CTNNA3: variants seen among roughly 807,000 people sequenced by gnomAD.
The protein encoded by CTNNA3 is catenin alpha-3.
CTNNA3 carries 76 observed loss-of-function variants against 95.7 expected under a neutral mutation model. The ratio of observed to expected loss-of-function variants is 0.79; its 90% CI spans 0.66 to 0.96. The LOEUF is 0.96. CTNNA3 is among the 40% of genes least tolerant of loss of function. CTNNA3 has a pLI of 0.00. For synonymous variants in CTNNA3, 431 were observed against 374.4 expected (o/e 1.15, Z -1.74); for missense variants, 1,191 against 1,089.8 (o/e 1.09, Z -1.31).
intron 11 of CTNNA3, among the ~76,000 whole-genome samples, chr10:66,396,758 T>C (rs1265874233): frequency 2.0e-5 from 3 of 151,922 alleles, no homozygotes; most frequent in African/African-American, 7.2e-5. Flanking sequence ...AGAAATTCCA[T>C]TTCTAATAAA....
intron 7 of CTNNA3, among the ~76,000 whole-genome samples, chr10:66,990,849 A>T (rs1851001316): frequency 1.3e-5 from 2 of 152,202 alleles, no homozygotes; most frequent in Non-Finnish European, 1.5e-5. Context: ...TTTCACTAGT[A>T]TCATGGGCAT....
At position 66,651,079 on chromosome 10, in the gene CTNNA3, T is replaced by C. The variant is rs762838121; in HGVS notation, c.1282-29295A>G. Among the ~76,000 whole-genome samples, 5 of 152,202 alleles carry C rather than the reference T, an allele frequency of 3.3e-5. No homozygotes were observed. In the Middle Eastern group the frequency reaches 0.01, roughly 311 times the overall value. ...ACAATCCTTTAGCTAGACACAAAAG[T>C]TCTGGAAGTCCCCACTAGATTAGCT... On this transcript the variant is annotated intron_variant, in intron 9 of 17. Transcript: ENST00000433211.
chr10:66,112,782 G>A (rs772411776), intron 13 of CTNNA3, among the ~76,000 whole-genome samples: 1 of 151,394 alleles, frequency 6.6e-6, no homozygotes, highest in Non-Finnish European at 1.5e-5. Flanking sequence ...GTTCACACTT[G>A]TCGTTGCATA....
chr10:67,337,368 A>T (rs1842031674), intron 5 of CTNNA3, among the ~76,000 whole-genome samples: 1 of 152,186 alleles, frequency 6.6e-6, no homozygotes, highest in African/African-American at 2.4e-5. Context: ...AATTGCTGCA[A>T]TCTCATGATA....
At chr10:67,689,580 G>A (rs1349310634) in intron 1 of CTNNA3, among the ~76,000 whole-genome samples, 2 of 152,092 alleles carry the variant, frequency 1.3e-5, no homozygotes, top group Non-Finnish European at 2.9e-5. Context: ...AGGATAGATG[G>A]GCAAGTCTCG....
chr10:66,920,447 A>T (rs1846731305), intron 7 of CTNNA3, among the ~76,000 whole-genome samples: 1 of 152,196 alleles, frequency 6.6e-6, no homozygotes, highest in Admixed American at 6.5e-5. Flanking sequence ...TTAGATTTTC[A>T]TCAAATCTTT....
At chr10:67,684,988 G>A (rs7091804) in intron 1 of CTNNA3, among the ~76,000 whole-genome samples, 35,933 of 152,060 alleles carry the variant, frequency 0.24, 5,106 homozygotes, top group East Asian at 0.52. Flanking sequence ...ACACTCTTCC[G>A]CTAAGAAGGT....
chr10:66,595,627 G>A (rs988845361), intron 10 of CTNNA3, among the ~76,000 whole-genome samples: 14 of 152,014 alleles, frequency 9.2e-5, no homozygotes, highest in East Asian at 3.9e-4. Flanking sequence ...GTCAGCCACC[G>A]CACCCAGCCT....
intron 1 of CTNNA3, among the ~76,000 whole-genome samples, chr10:67,660,966 C>T (rs1477934597): frequency 1.3e-5 from 2 of 150,656 alleles, no homozygotes; most frequent in African/African-American, 4.9e-5. Flanking sequence ...AATTAAAATA[C>T]ATTGAGATAT....
intron 10 of CTNNA3, among the ~76,000 whole-genome samples, chr10:66,603,520 G>A (rs923022107): frequency 6.6e-6 from 1 of 152,036 alleles, no homozygotes; most frequent in African/African-American, 2.4e-5. Context: ...TACCTAAAGT[G>A]ATCTACAGAT....
At chr10:67,141,663 A>G (rs1860573906) in intron 7 of CTNNA3, among the ~76,000 whole-genome samples, 1 of 152,190 alleles carries the variant, frequency 6.6e-6, no homozygotes, top group East Asian at 1.9e-4. Context: ...TCTAAGACTC[A>G]GGGCAAAAGC....
At chr10:67,386,191 T>C (rs905489382) in intron 5 of CTNNA3, among the ~76,000 whole-genome samples, 1 of 152,192 alleles carries the variant, frequency 6.6e-6, no homozygotes, top group Non-Finnish European at 1.5e-5. Context: ...CCATGCACCA[T>C]AGGGAATGTG....
intron 16 of CTNNA3, among the ~76,000 whole-genome samples, chr10:65,983,880 G>T (rs1250527625): frequency 6.6e-6 from 1 of 151,136 alleles, no homozygotes; most frequent in East Asian, 1.9e-4. Context: ...GGAAGGAAAA[G>T]TGAAAAATAA....
intron 7 of CTNNA3, among the ~76,000 whole-genome samples, chr10:67,125,979 G>A (rs905807621): frequency 2.0e-5 from 3 of 152,192 alleles, no homozygotes; most frequent in Non-Finnish European, 2.9e-5. Flanking sequence ...GGTTTTTCAC[G>A]TTCTGTTAAT....
chr10:66,533,936 G>A (rs2659995), intron 10 of CTNNA3, among the ~76,000 whole-genome samples: 91,289 of 151,928 alleles, frequency 0.6, 30,479 homozygotes, highest in Non-Finnish European at 0.75. Context: ...TTTAATGTAC[G>A]TATCATTTTA....
intron 9 of CTNNA3, among the ~76,000 whole-genome samples, chr10:66,635,253 C>T (rs1343253338): frequency 6.6e-6 from 1 of 152,006 alleles, no homozygotes; most frequent in Non-Finnish European, 1.5e-5. Flanking sequence ...TGAAACAAAT[C>T]TAAACTATAA....
At chr10:66,367,884 ATTATTATTATTATTATTATT>A (rs2092724429) in intron 12 of CTNNA3, among the ~76,000 whole-genome samples, 58 of 20,638 alleles carry the variant, frequency 2.8e-3, no homozygotes, top group South Asian at 4.5e-3. Context: ...AATAATAATT[ATTATTATTATTATTATTATT>A]ATTATTATTA....
intron 7 of CTNNA3, among the ~76,000 whole-genome samples, chr10:66,999,178 C>G (rs1851538766): frequency 6.6e-6 from 1 of 152,042 alleles, no homozygotes; most frequent in Admixed American, 6.6e-5. Context: ...GGTTTGCACT[C>G]AAATATTTCA....
intron 1 of CTNNA3, among the ~76,000 whole-genome samples, chr10:67,715,228 A>G (rs1423355479): frequency 1.3e-5 from 2 of 152,246 alleles, no homozygotes; most frequent in South Asian, 2.1e-4. Context: ...TGAGTCACAC[A>G]TAGTTTTCAA....
Sources: allele counts gnomAD v4.1 joint callset (sites outside exome capture counted in the v4.1 genomes callset), GRCh38; gene constraint gnomAD v4.1.1; transcripts MANE v1.5; gene names NCBI Gene and HGNC (gene_info 2026-07-23, HGNC 2026-07-21).